The following AFF3 variants were observed in gnomAD, a reference collection of about 807,000 sequenced individuals.
AFF3 encodes AF4/FMR2 family member 3.
AFF3 carries 32 observed loss-of-function variants against 129.7 expected under a neutral mutation model. The observed-to-expected ratio is 0.25, with a 90% CI of 0.19 to 0.33. The LOEUF (loss-of-function observed/expected upper bound fraction) is 0.33, where lower values mean the gene tolerates loss of function less well. Ranked by LOEUF, AFF3 falls within the 10% of genes least tolerant of loss-of-function variation. AFF3 has a pLI of 1.00. For missense variants in AFF3, 1,373 were observed against 1,592.0 expected (o/e 0.86, Z 2.34); for synonymous variants, 644 against 635.4 (o/e 1.01, Z -0.20).
chr2:99,838,225 G>A (rs1258294687), intron 7 of AFF3, among the ~76,000 whole-genome samples: 1 of 152,178 alleles, frequency 6.6e-6, no homozygotes, highest in African/African-American at 2.4e-5. Flanking sequence ...AGCCAAGAGT[G>A]CAGGATGTGG....
chr2:99,703,900 T>C (rs993728272), intron 11 of AFF3, among the ~76,000 whole-genome samples: 1 of 152,226 alleles, frequency 6.6e-6, no homozygotes, highest in Non-Finnish European at 1.5e-5. Context: ...TTACTTATAA[T>C]GTTTCTGAGT....
At chr2:99,904,447 C>G (rs550728865) in intron 7 of AFF3, among the ~76,000 whole-genome samples, 2 of 151,642 alleles carry the variant, frequency 1.3e-5, no homozygotes, top group Non-Finnish European at 2.9e-5. Context: ...TACACTCTGC[C>G]TTGGGGCCCT....
At chr2:99,841,539 A>G (rs1209051336) in intron 7 of AFF3, among the ~76,000 whole-genome samples, 3 of 152,328 alleles carry the variant, frequency 2.0e-5, no homozygotes, top group Middle Eastern at 6.8e-3. Flanking sequence ...GAACCTCTTG[A>G]GTCTTTTCAG....
chr2:99,638,221 G>A (rs977062732), intron 13 of AFF3, among the ~76,000 whole-genome samples: 9 of 151,938 alleles, frequency 5.9e-5, no homozygotes, highest in African/African-American at 1.9e-4. Flanking sequence ...CACCACACCC[G>A]ACTAATTTTT....
intron 11 of AFF3, among the ~76,000 whole-genome samples, chr2:99,684,575 T>C (rs1403796189): frequency 6.6e-6 from 1 of 152,068 alleles, no homozygotes; most frequent in Non-Finnish European, 1.5e-5. Context: ...GGCTGGAGAT[T>C]GGTAGATGAT....
At chr2:99,580,570 C>T (rs1305125295) in intron 17 of AFF3, among the ~76,000 whole-genome samples, 1 of 152,158 alleles carries the variant, frequency 6.6e-6, no homozygotes, top group African/African-American at 2.4e-5. Flanking sequence ...AGCCCCACCA[C>T]AAGTAATTAC....
At chr2:99,641,816 A>G (rs1684223338) in intron 13 of AFF3, among the ~76,000 whole-genome samples, 1 of 152,164 alleles carries the variant, frequency 6.6e-6, no homozygotes, top group African/African-American at 2.4e-5. Context: ...GGTATGTGAG[A>G]TGCTCAGTAC....
intron 4 of AFF3, among the ~76,000 whole-genome samples, chr2:100,024,231 C>CAAAAA (rs56368025): frequency 5.4e-5 from 3 of 56,040 alleles, no homozygotes; most frequent in African/African-American, 7.6e-5. Context: ...GACTCCGTCT[C>CAAAAA]AAAAAAAAAA....
intron 11 of AFF3, among the ~76,000 whole-genome samples, chr2:99,719,969 G>A (rs1281719587): frequency 1.3e-5 from 2 of 152,112 alleles, no homozygotes; most frequent in Non-Finnish European, 2.9e-5. Context: ...CCCGGGAGGC[G>A]GAGCTTGCAG....
At chr2:99,824,795 T>C (rs961153159) in intron 8 of AFF3, among the ~76,000 whole-genome samples, 4 of 151,960 alleles carry the variant, frequency 2.6e-5, no homozygotes, top group East Asian at 1.9e-4. Context: ...GTCTCTAGAG[T>C]GTGGAGGTGC....
At chr2:99,958,296 T>C (rs1028014750) in intron 7 of AFF3, among the ~76,000 whole-genome samples, 2 of 151,900 alleles carry the variant, frequency 1.3e-5, no homozygotes, top group Admixed American at 6.6e-5. Context: ...AGTTCGAGAC[T>C]AGCCTGGCCA....
At chr2:99,640,093 T>C (rs1366949917) in intron 13 of AFF3, among the ~76,000 whole-genome samples, 1 of 152,212 alleles carries the variant, frequency 6.6e-6, no homozygotes, top group Non-Finnish European at 1.5e-5. Flanking sequence ...ACCCACAGTT[T>C]GGCTTTTAGG....
At chr2:99,762,072 G>A (rs911001005) in intron 8 of AFF3, among the ~76,000 whole-genome samples, 2 of 150,642 alleles carry the variant, frequency 1.3e-5, no homozygotes, top group African/African-American at 2.4e-5. Context: ...AAGGTGACCT[G>A]TGCTACCCTG....
chr2:99,940,172 T>C (rs1163207403), intron 7 of AFF3, among the ~76,000 whole-genome samples: 7 of 152,190 alleles, frequency 4.6e-5, no homozygotes, highest in Admixed American at 1.3e-4. Context: ...GGTCTATGTA[T>C]GCTGGTACAC....
chr2:99,890,222 C>T (rs1338536941), intron 7 of AFF3, among the ~76,000 whole-genome samples: 1 of 152,170 alleles, frequency 6.6e-6, no homozygotes, highest in Non-Finnish European at 1.5e-5. Context: ...CAGGTGGCCA[C>T]TTCCACCCAA....
chr2:99,899,410 T>C (rs1333817131), intron 7 of AFF3, among the ~76,000 whole-genome samples: 1 of 152,238 alleles, frequency 6.6e-6, no homozygotes, highest in African/African-American at 2.4e-5. Context: ...CACTATTTAC[T>C]GGAATCACTG....
At chr2:100,046,994 C>CTT (rs1685889286) in intron 4 of AFF3, among the ~76,000 whole-genome samples, 1 of 151,930 alleles carries the variant, frequency 6.6e-6, no homozygotes, top group East Asian at 1.9e-4. Context: ...GAAATAATGA[C>CTT]TTTAAGAGTA....
At chr2:99,880,567 T>C (rs902980655) in intron 7 of AFF3, among the ~76,000 whole-genome samples, 3 of 152,082 alleles carry the variant, frequency 2.0e-5, no homozygotes, top group African/African-American at 7.2e-5. Flanking sequence ...GCGTGGAGAA[T>C]CCCTCACACT....
chr2:100,065,230 A>T (rs979649142), intron 4 of AFF3, among the ~76,000 whole-genome samples: 1 of 152,238 alleles, frequency 6.6e-6, no homozygotes, highest in Non-Finnish European at 1.5e-5. Flanking sequence ...GTCATATAAA[A>T]AGCAATTAGT....
Sources: allele counts gnomAD v4.1 joint callset (sites outside exome capture counted in the v4.1 genomes callset), GRCh38; gene constraint gnomAD v4.1.1; transcripts MANE v1.5; gene names NCBI Gene and HGNC (gene_info 2026-07-23, HGNC 2026-07-21).